The following PRKCA variants were observed in gnomAD, a reference collection of about 807,000 sequenced individuals.
The protein encoded by PRKCA is protein kinase C alpha.
PRKCA carries 27 observed loss-of-function variants against 87.0 expected under a neutral mutation model. The ratio of observed to expected loss-of-function variants is 0.31; its 90% CI spans 0.23 to 0.43. The LOEUF is 0.43. Among genes scored for constraint, PRKCA ranks in the 20% least tolerant of loss-of-function variants. The pLI is 1.00. For synonymous variants in PRKCA, 329 were observed against 311.1 expected (o/e 1.06, Z -0.61); for missense variants, 518 against 852.3 (o/e 0.61, Z 4.88).
intron 2 of PRKCA, among the ~76,000 whole-genome samples, chr17:66,425,159 A>G (rs1381416316): frequency 6.6e-6 from 1 of 152,028 alleles, no homozygotes; most frequent in African/African-American, 2.4e-5. Flanking sequence ...GAAGCTGCAC[A>G]ATTTTTGAGT....
chr17:66,666,627 A>G (rs1419751069), intron 5 of PRKCA, among the ~76,000 whole-genome samples: 2 of 152,184 alleles, frequency 1.3e-5, no homozygotes, highest in African/African-American at 4.8e-5. Flanking sequence ...AGGGAGAATC[A>G]CCTCATTATG....
intron 8 of PRKCA, among the ~76,000 whole-genome samples, chr17:66,700,951 A>G (rs1222684940): frequency 6.6e-6 from 1 of 152,172 alleles, no homozygotes; most frequent in Non-Finnish European, 1.5e-5. Flanking sequence ...GGAAAAAATA[A>G]TCCCAGAATT....
chr17:66,464,259 A>G (rs952232667), intron 2 of PRKCA, among the ~76,000 whole-genome samples: 1 of 152,122 alleles, frequency 6.6e-6, no homozygotes, highest in Non-Finnish European at 1.5e-5. Context: ...GATGCACCGC[A>G]GTTTATCCAT....
intron 8 of PRKCA, among the ~76,000 whole-genome samples, chr17:66,731,976 G>A (rs1973910156): frequency 6.6e-6 from 1 of 151,162 alleles, no homozygotes; most frequent in African/African-American, 2.4e-5. Flanking sequence ...TTTTGGTAGA[G>A]ACGGGGTTTC....
chr17:66,462,035 T>G (rs73996210), intron 2 of PRKCA, among the ~76,000 whole-genome samples: 9,581 of 152,012 alleles, frequency 0.063, 1,016 homozygotes, highest in African/African-American at 0.22. Context: ...TGACCCTCTA[T>G]TTTCATCACT....
At chr17:66,496,832 TG>T (rs1916497254) in intron 3 of PRKCA, among the ~76,000 whole-genome samples, 1 of 152,066 alleles carries the variant, frequency 6.6e-6, no homozygotes, top group Non-Finnish European at 1.5e-5. Flanking sequence ...TTAGTAGAGA[TG>T]GGGTTTCATC....
chr17:66,555,132 C>A (rs1433943594), intron 3 of PRKCA, among the ~76,000 whole-genome samples: 1 of 152,330 alleles, frequency 6.6e-6, no homozygotes, highest in East Asian at 1.9e-4. Flanking sequence ...CCTGCCTCGG[C>A]CTCCCAAAGT....
At chr17:66,753,255 C>T (rs1974476284) in intron 13 of PRKCA, among the ~76,000 whole-genome samples, 1 of 152,196 alleles carries the variant, frequency 6.6e-6, no homozygotes, top group South Asian at 2.1e-4. Flanking sequence ...GCCTGCTCTC[C>T]GACCCCTTTT....
intron 16 of PRKCA, among the ~76,000 whole-genome samples, chr17:66,790,555 A>G (rs866575110): frequency 2.0e-5 from 3 of 152,118 alleles, no homozygotes; most frequent in African/African-American, 7.2e-5. Flanking sequence ...TCTGCCTTTA[A>G]TATTTATTTG....
intron 2 of PRKCA, among the ~76,000 whole-genome samples, chr17:66,345,893 A>G (rs1907328929): frequency 6.6e-6 from 1 of 152,160 alleles, no homozygotes; most frequent in South Asian, 2.1e-4. Context: ...GACCAAGCAC[A>G]GTGCCTGGCA....
intron 14 of PRKCA, among the ~76,000 whole-genome samples, chr17:66,779,608 C>G (rs1975154888): frequency 6.6e-6 from 1 of 152,120 alleles, no homozygotes. Flanking sequence ...CCTCCATGAC[C>G]ACTTCCTAGC....
intron 2 of PRKCA, among the ~76,000 whole-genome samples, chr17:66,465,254 G>A (rs1050013205): frequency 1.3e-5 from 2 of 152,110 alleles, no homozygotes; most frequent in Admixed American, 6.5e-5. Flanking sequence ...TTTTGTAAAC[G>A]AGATTTGTTT....
chr17:66,592,091 A>G (rs1327212116), intron 3 of PRKCA, among the ~76,000 whole-genome samples: 1 of 152,162 alleles, frequency 6.6e-6, no homozygotes, highest in African/African-American at 2.4e-5. Context: ...TCTGTGGTTC[A>G]TGCCTGTAAT....
chr17:66,336,663 A>ATATAGTAAATTATTAAACATTTGCCTG (rs1555585132), intron 2 of PRKCA, among the ~76,000 whole-genome samples: 1,756 of 137,142 alleles, frequency 0.013, 33 homozygotes, highest in African/African-American at 0.058. Flanking sequence ...ACATTTGCCT[A>ATATAGTAAATTATTAAACATTTGCCTG]TATAGTAAAT....
intron 2 of PRKCA, among the ~76,000 whole-genome samples, chr17:66,328,825 G>C (rs941939123): frequency 1.3e-5 from 2 of 152,204 alleles, no homozygotes; most frequent in Non-Finnish European, 2.9e-5. Flanking sequence ...ACTGAAGGCA[G>C]ATCTCATTTG....
chr17:66,777,759 G>A (rs1975093119), intron 14 of PRKCA: 2 of 985,274 alleles, frequency 2.0e-6, no homozygotes. Context: ...AAGGGGCTGG[G>A]CGGAAACGAA....
chr17:66,458,836 A>G (rs1278997635), intron 2 of PRKCA, among the ~76,000 whole-genome samples: 1 of 152,140 alleles, frequency 6.6e-6, no homozygotes, highest in Non-Finnish European at 1.5e-5. Flanking sequence ...ACATTTGGTT[A>G]CCGACCTTCC....
At chr17:66,446,745 C>T (rs1190873438) in intron 2 of PRKCA, among the ~76,000 whole-genome samples, 1 of 152,152 alleles carries the variant, frequency 6.6e-6, no homozygotes, top group Non-Finnish European at 1.5e-5. Flanking sequence ...CCCCGGTAGC[C>T]TCTAGAACTG....
At chr17:66,701,846 G>GAT (rs1473259222) in intron 8 of PRKCA, among the ~76,000 whole-genome samples, 15 of 152,076 alleles carry the variant, frequency 9.9e-5, no homozygotes, top group South Asian at 2.1e-4. Context: ...TGGAGAAAAT[G>GAT]ATATACACTG....
Sources: gnomAD v4.1 joint callset for allele counts (sites outside exome capture counted in the v4.1 genomes callset) on GRCh38, gnomAD v4.1.1 for gene constraint, MANE v1.5 for transcripts, NCBI Gene and HGNC (gene_info 2026-07-23, HGNC 2026-07-21) for gene names.